Variants in KIAA1549L observed in about 807,000 individuals in gnomAD.
KIAA1549L encodes KIAA1549 like.
In KIAA1549L, 88 loss-of-function variants were observed where a neutral mutation model predicts 160.7. The observed-to-expected ratio is 0.55, with a 90% CI of 0.46 to 0.65. The LOEUF is 0.65. KIAA1549L is among the 30% of genes least tolerant of loss of function. The pLI, the probability that KIAA1549L is intolerant of heterozygous loss-of-function variation, is 0.00. For synonymous variants in KIAA1549L, 950 were observed against 976.7 expected, an observed-to-expected ratio of 0.97 and a Z score of 0.51; for missense variants, 2,258 against 2,437.5, an observed-to-expected ratio of 0.93 and a Z score of 1.55.
chr11:33,581,781 T>C (rs1855653043), intron 10 of KIAA1549L, among the ~76,000 whole-genome samples: 1 of 152,230 alleles, frequency 6.6e-6, no homozygotes, highest in Non-Finnish European at 1.5e-5. Flanking sequence ...TTGACCTAAC[T>C]TTACTCTTGT....
intron 16 of KIAA1549L, among the ~76,000 whole-genome samples, chr11:33,636,772 A>G (rs1851449711): frequency 6.6e-6 from 1 of 152,218 alleles, no homozygotes; most frequent in South Asian, 2.1e-4. Flanking sequence ...AAAAAACATC[A>G]TGTATCTAGG....
At chr11:33,459,557 G>A (rs186642493) in intron 1 of KIAA1549L, among the ~76,000 whole-genome samples, 1 of 152,310 alleles carries the variant, frequency 6.6e-6, no homozygotes, top group African/African-American at 2.4e-5. Flanking sequence ...CACTATAAAA[G>A]GAGTGAGGAG....
rs761464713 is a variant in KIAA1549L at position 33,656,065 on chromosome 11, C to T, written c.5814C>T (p.Pro1938=). Residue 1938 remains proline, a synonymous_variant, in exon 18 of 21, where the codon CCC becomes CCT. Transcript: ENST00000658780. ...TGGTCATGGGCTCACCGCCTCCACC[C>T]GTACCTCCCCGGACTGGTCCTGTGG... The part of the protein sequence containing the change: ...PEMVMGSPPP[P]VPPRTGPVAV... 3.3e-5 allele frequency: 53 copies of T among 1,613,782 alleles called. No homozygotes were observed. The highest frequency in any genetic ancestry group is 4.1e-5 in the Non-Finnish European group (48 of 1,179,818).
intron 12 of KIAA1549L, among the ~76,000 whole-genome samples, chr11:33,594,157 C>T (rs2133293570): frequency 6.6e-6 from 1 of 152,238 alleles, no homozygotes; most frequent in African/African-American, 2.4e-5. Context: ...AGCAACAAGA[C>T]TGCATATTTT....
At chr11:33,424,133 G>T (rs1851072410) in intron 1 of KIAA1549L, among the ~76,000 whole-genome samples, 2 of 152,310 alleles carry the variant, frequency 1.3e-5, no homozygotes, top group East Asian at 3.9e-4. Flanking sequence ...CTAGCAAGAG[G>T]TGGAGGTGGT....
chr11:33,387,212 C>T (rs1440953771), intron 1 of KIAA1549L, among the ~76,000 whole-genome samples: 1 of 152,162 alleles, frequency 6.6e-6, no homozygotes, highest in Admixed American at 6.5e-5. Flanking sequence ...GGCCCGTGAG[C>T]TTACAGATGA....
intron 15 of KIAA1549L, among the ~76,000 whole-genome samples, chr11:33,614,578 A>ATT (rs1850755192): frequency 1.1e-4 from 1 of 9,424 alleles, no homozygotes; most frequent in Non-Finnish European, 1.5e-4. Flanking sequence ...ATATATATAT[A>ATT]TATATATTTT....
At chr11:33,462,592 C>T (rs910837008) in intron 1 of KIAA1549L, among the ~76,000 whole-genome samples, 1 of 152,100 alleles carries the variant, frequency 6.6e-6, no homozygotes, top group Admixed American at 6.5e-5. Context: ...CCTAGGGAAA[C>T]AGCATATTCA....
At chr11:33,426,496 G>A (rs1851119514) in intron 1 of KIAA1549L, among the ~76,000 whole-genome samples, 1 of 152,080 alleles carries the variant, frequency 6.6e-6, no homozygotes, top group African/African-American at 2.4e-5. Context: ...ATCCCCAGAG[G>A]CCCTCCTGGT....
intron 16 of KIAA1549L, among the ~76,000 whole-genome samples, chr11:33,640,675 G>A (rs965966677): frequency 2.0e-5 from 3 of 152,140 alleles, no homozygotes; most frequent in Non-Finnish European, 2.9e-5. Flanking sequence ...AAATGTTAAC[G>A]GTAGTTATTT....
At chr11:33,417,697 C>G (rs905883095) in intron 1 of KIAA1549L, among the ~76,000 whole-genome samples, 2 of 152,180 alleles carry the variant, frequency 1.3e-5, no homozygotes, top group African/African-American at 2.4e-5. Flanking sequence ...TCCTCTGTAA[C>G]CATCCTACTC....
rs1851700927 is a variant in KIAA1549L at position 33,645,768 on chromosome 11, G to A, written c.5492G>A (p.Gly1831Asp). Reference sequence around the variant, plus strand: ...TATTCCAGGTCTCGACAGGTGAAAGGCCACTCGGAGACCTCCACACTGAGC... The same window carrying A: ...TATTCCAGGTCTCGACAGGTGAAAGACCACTCGGAGACCTCCACACTGAGC... ...RGYSRSRQVK[G>D]HSETSTLSSQ... is the part of the protein sequence containing the mutation. The change falls in exon 17 of 21, where the codon GGC (glycine) becomes GAC (aspartate). Residue 1831 changes from glycine (G) to aspartate (D), a missense_variant. Transcript: ENST00000658780. 1 of 1,613,776 alleles carries A rather than the reference G, an allele frequency of 6.2e-7. No homozygotes were observed. Among genetic ancestry groups the A allele is most frequent in the Non-Finnish European group, 8.5e-7 (1 of 1,179,862 alleles).
chr11:33,449,403 G>A (rs1390869461), intron 1 of KIAA1549L, among the ~76,000 whole-genome samples: 1 of 152,106 alleles, frequency 6.6e-6, no homozygotes, highest in Non-Finnish European at 1.5e-5. Flanking sequence ...GACTTGCCTG[G>A]AGAAGGAGGC....
chr11:33,426,043 A>C (rs977468364), intron 1 of KIAA1549L, among the ~76,000 whole-genome samples: 2 of 152,224 alleles, frequency 1.3e-5, no homozygotes, highest in African/African-American at 4.8e-5. Context: ...AGACTTGAGA[A>C]CTAAATGCAA....
intron 10 of KIAA1549L, 72 bp downstream of exon 10, chr11:33,574,945 C>A: frequency 7.6e-7 from 1 of 1,313,970 alleles, no homozygotes; most frequent in Non-Finnish European, 1.1e-6. Context: ...AATGATTCCC[C>A]AAAATCATGT....
At chr11:33,667,646 G>C (rs762737191) in intron 20 of KIAA1549L, among the ~76,000 whole-genome samples, 5 of 152,052 alleles carry the variant, frequency 3.3e-5, no homozygotes, top group Non-Finnish European at 7.4e-5. Flanking sequence ...CGTCCACCTC[G>C]GACTTCCAAA....
intron 15 of KIAA1549L, among the ~76,000 whole-genome samples, chr11:33,610,325 C>T (rs1850617377): frequency 6.6e-6 from 1 of 152,206 alleles, no homozygotes; most frequent in Non-Finnish European, 1.5e-5. Context: ...TTTAGAGGCT[C>T]TTGCATAAGA....
intron 1 of KIAA1549L, among the ~76,000 whole-genome samples, chr11:33,492,190 A>C (rs1263180498): frequency 1.3e-5 from 2 of 152,180 alleles, no homozygotes; most frequent in Non-Finnish European, 2.9e-5. Context: ...AACATGGTGA[A>C]ACCTCATCTC....
At chr11:33,563,299 A>G (rs965715820) in intron 8 of KIAA1549L, among the ~76,000 whole-genome samples, 4 of 150,888 alleles carry the variant, frequency 2.7e-5, no homozygotes, top group Non-Finnish European at 5.9e-5. Flanking sequence ...TAGTGAGTCA[A>G]GATCATGCCA....
Sources: gnomAD v4.1 joint callset for allele counts (sites outside exome capture counted in the v4.1 genomes callset) on GRCh38, gnomAD v4.1.1 for gene constraint, MANE v1.5 for transcripts, NCBI Gene and HGNC (gene_info 2026-07-23, HGNC 2026-07-21) for gene names.